TMEM72: variants seen among roughly 807,000 people sequenced by gnomAD.
TMEM72 encodes the protein transmembrane protein 72.
Under a neutral mutation model 16.3 loss-of-function variants are expected in TMEM72, and 9 were observed. The observed-to-expected ratio is 0.55, with a 90% CI of 0.33 to 0.96. The LOEUF is 0.96. TMEM72 is among the 40% of genes least tolerant of loss of function. The pLI, the probability that TMEM72 is intolerant of heterozygous loss-of-function variation, is 0.03. For missense variants in TMEM72, 324 were observed against 337.8 expected, an observed-to-expected ratio of 0.96 and a Z score of 0.32; for synonymous variants, 160 against 146.5, an observed-to-expected ratio of 1.09 and a Z score of -0.66.
rs138064807 is a variant in TMEM72 at position 44,935,540 on chromosome 10, T to C, written c.*406T>C. ...AGGGCACAACACTCAGTGAGGAACC[T>C]ATGGTCCACCCATCTCTGCAGGCCC... On this transcript the variant is annotated 3_prime_UTR_variant, in exon 5 of 5. Coordinates refer to ENST00000389583, the MANE Select transcript of TMEM72 (RefSeq NM_001123376.3). 8.0e-4 allele frequency: 134 copies of C among 167,978 alleles called. 1 individual carries two copies. The East Asian group carries it at 0.022, about 27-fold the overall frequency. The allele number at this position is 167,978 out of a possible 1,614,324, so 10.4% of individuals were successfully genotyped here.
chr10:44,913,922 A>G (rs1463427217), intron 1 of TMEM72, among the ~76,000 whole-genome samples: 3 of 152,238 alleles, frequency 2.0e-5, no homozygotes, highest in Middle Eastern at 3.4e-3. Context: ...GGGAGTGTGG[A>G]TTTCTTAAAA....
chr10:44,911,613 T>C (rs1300509799), intron 1 of TMEM72, 31 bp downstream of exon 1: 1 of 1,547,642 alleles, frequency 6.5e-7, no homozygotes, highest in South Asian at 1.2e-5. Context: ...TGCTGATCCT[T>C]GCACACTGGC....
intron 1 of TMEM72, among the ~76,000 whole-genome samples, chr10:44,912,728 C>A (rs576573123): frequency 1.3e-5 from 2 of 152,326 alleles, no homozygotes; most frequent in African/African-American, 4.8e-5. Context: ...TCAGCAGAAG[C>A]CCCCATGACA....
Position 44,935,359 on chromosome 10 carries a change from CCTT to C in TMEM72, c.*227_*229del, listed in dbSNP as rs1029513009. 2 of 480,756 alleles carry C rather than the reference CCTT, an allele frequency of 4.2e-6. No homozygotes were observed. Among genetic ancestry groups the C allele is most frequent in the African/African-American group, 3.9e-5 (2 of 50,946 alleles). The allele number at this position is 480,756 out of a possible 1,614,324, so 29.8% of individuals were successfully genotyped here. On this transcript the variant is annotated 3_prime_UTR_variant, in exon 5 of 5. Coordinates refer to ENST00000389583, the MANE Select transcript of TMEM72 (RefSeq NM_001123376.3). ...ACGCCACCTCAAGCCAGCACAAGCT[CCTT>C]CCTCCTGGCCACAGGTGGGGAAACC...
At chr10:44,918,488 T>G (rs908721756) in intron 1 of TMEM72, among the ~76,000 whole-genome samples, 1 of 152,154 alleles carries the variant, frequency 6.6e-6, no homozygotes, top group Non-Finnish European at 1.5e-5. Flanking sequence ...TTCTATAAAA[T>G]TAGTATTTAT....
chr10:44,913,416 G>A (rs956173782), intron 1 of TMEM72, among the ~76,000 whole-genome samples: 5 of 151,998 alleles, frequency 3.3e-5, no homozygotes, highest in Admixed American at 6.6e-5. Flanking sequence ...CTCAGTCACC[G>A]GAAGAGTCTG....
chr10:44,913,006 AC>A (rs1839959412), intron 1 of TMEM72, among the ~76,000 whole-genome samples: 1 of 152,062 alleles, frequency 6.6e-6, no homozygotes, highest in Non-Finnish European at 1.5e-5. Flanking sequence ...TCTGGCCAAA[AC>A]CTTCCCTGTC....
Position 44,934,787 on chromosome 10 carries a change from G to T in TMEM72, c.481G>T (p.Gly161Cys), listed in dbSNP as rs201160000. Residue 161 changes from glycine to cysteine, a missense_variant, in exon 5 of 5, where the codon GGC becomes TGC. Physicochemically the swap from Gly to Cys is radical, Grantham distance 159. Coordinates refer to ENST00000389583, the MANE Select transcript of TMEM72 (RefSeq NM_001123376.3). The stretch of plus-strand genomic sequence containing the variant: ...CTCTAGCAGCGCTGTGAGCACCACC[G>T]GCTCTGGGGACACAGAGCAAACCTA... ...DPSSSAVSTT[G>C]SGDTEQTYTF... 12 of 1,613,558 alleles carry T rather than the reference G, an allele frequency of 7.4e-6. No individual in the cohort carries two copies. The highest frequency in any genetic ancestry group is 1.0e-5 in the Non-Finnish European group (12 of 1,179,980).
At chr10:44,916,639 G>T (rs533740495) in intron 1 of TMEM72, among the ~76,000 whole-genome samples, 3 of 152,190 alleles carry the variant, frequency 2.0e-5, no homozygotes, top group African/African-American at 7.2e-5. Context: ...CCTCGCAAGA[G>T]ATTTATCACC....
chr10:44,934,900 C>T lies in TMEM72; in HGVS notation c.594C>T (p.Ala198=), dbSNP rs1178038735. Residue 198 remains alanine, a synonymous_variant, in exon 5 of 5, where the codon GCC becomes GCT. Transcript: ENST00000389583. Reference sequence around the variant, plus strand: ...TGAAGGGGACTAAGAAGCCCAGTGCCCTCCAGCCCCCCAACACCCTGATGG... The same window carrying T: ...TGAAGGGGACTAAGAAGCCCAGTGCTCTCCAGCCCCCCAACACCCTGATGG... ...SILKGTKKPS[A]LQPPNTLMEL... is the part of the protein sequence containing the mutation. 1.2e-6 allele frequency: 2 copies of T among 1,613,450 alleles called. No homozygotes were observed. The highest frequency in any genetic ancestry group is 8.5e-7 in the Non-Finnish European group (1 of 1,179,814).
At chr10:44,930,156 C>T (rs957523406) in intron 2 of TMEM72, among the ~76,000 whole-genome samples, 2 of 152,112 alleles carry the variant, frequency 1.3e-5, no homozygotes, top group African/African-American at 4.8e-5. Flanking sequence ...GCCTGGGGTC[C>T]CCTGCCCCTT....
At chr10:44,925,189 C>T (rs535761905) in intron 1 of TMEM72, among the ~76,000 whole-genome samples, 4 of 152,302 alleles carry the variant, frequency 2.6e-5, no homozygotes, top group Non-Finnish European at 5.9e-5. Flanking sequence ...TTCTCTGTTG[C>T]CATTTTTTTT....
chr10:44,911,796 A>G (rs967424460), intron 1 of TMEM72, among the ~76,000 whole-genome samples: 4 of 152,184 alleles, frequency 2.6e-5, no homozygotes, highest in Non-Finnish European at 5.9e-5. Flanking sequence ...TGGGTGCTGG[A>G]TCTTTGCTTG....
At chr10:44,913,772 A>G (rs1422152349) in intron 1 of TMEM72, among the ~76,000 whole-genome samples, 2 of 152,216 alleles carry the variant, frequency 1.3e-5, no homozygotes, top group African/African-American at 4.8e-5. Flanking sequence ...AGGATTTGCA[A>G]ATTCCTTATT....
intron 1 of TMEM72, among the ~76,000 whole-genome samples, chr10:44,911,929 T>C (rs898936805): frequency 2.6e-5 from 4 of 152,194 alleles, no homozygotes; most frequent in African/African-American, 9.7e-5. Flanking sequence ...AAGGTGAAGA[T>C]AGAAAGGGCT....
At position 44,931,975 on chromosome 10, in the gene TMEM72, C is replaced by T. The variant is rs368283624; in HGVS notation, c.138-23C>T. The T allele has an allele frequency of 8.7e-6, 14 of 1,607,292 alleles. No homozygotes were observed. In the East Asian group the frequency reaches 8.9e-5, roughly 10 times the overall value. ...CAAAGGAAGACAGAGGCGCCAGCCTCCCTCACCTGTCTCCACCTGCAGGTT... is the reference window on the plus strand; with the variant it reads ...CAAAGGAAGACAGAGGCGCCAGCCTTCCTCACCTGTCTCCACCTGCAGGTT... On this transcript the variant is annotated intron_variant, in intron 2 of 4. Coordinates refer to ENST00000389583, the MANE Select transcript of TMEM72 (RefSeq NM_001123376.3).
chr10:44,917,521 C>T lies in TMEM72; in HGVS notation c.70+5939C>T, dbSNP rs915531812. Among the ~76,000 whole-genome samples the T allele has an allele frequency of 2.0e-5, 3 of 152,282 alleles. No individual in the cohort carries two copies. In the East Asian group the frequency reaches 5.8e-4, roughly 29 times the overall value. On this transcript the variant is annotated intron_variant, in intron 1 of 4. Transcript: ENST00000389583. ...GCCCACAGGAACTTGGCTATTTCTACACCACATATAGTAAGCCAACCAGAG... is the reference window on the plus strand; with the variant it reads ...GCCCACAGGAACTTGGCTATTTCTATACCACATATAGTAAGCCAACCAGAG...
At position 44,934,818 on chromosome 10, in the gene TMEM72, T is replaced by C; in HGVS notation, c.512T>C (p.Phe171Ser). 6.2e-7 allele frequency: 1 copy of C among 1,613,574 alleles called. No individual in the cohort carries two copies. Among genetic ancestry groups the C allele is most frequent in the Non-Finnish European group, 8.5e-7 (1 of 1,179,992 alleles). ...GSGDTEQTYT[F>S]HGALKEGPSS... The stretch of plus-strand genomic sequence containing the variant: ...GGGGACACAGAGCAAACCTACACTT[T>C]CCATGGGGCCCTCAAGGAGGGGCCC... Residue 171 changes from phenylalanine (F) to serine (S), a missense_variant, in exon 5 of 5, where the codon TTC becomes TCC. Physicochemically the swap from Phe to Ser is radical, Grantham distance 155 (BLOSUM62 -2). Transcript: ENST00000389583.
intron 2 of TMEM72, 122 bp from the exon 3 acceptor site, chr10:44,931,876 G>T (rs2132728898): frequency 2.1e-6 from 2 of 957,450 alleles, no homozygotes; most frequent in Admixed American, 2.2e-5. Context: ...GTTGTCTGGG[G>T]GAATCCAGGT....
Sources: allele counts gnomAD v4.1 joint callset (sites outside exome capture counted in the v4.1 genomes callset), GRCh38; gene constraint gnomAD v4.1.1; transcripts MANE v1.5; gene names NCBI Gene and HGNC (gene_info 2026-07-23, HGNC 2026-07-21).